MLIP: variants seen among roughly 807,000 people sequenced by gnomAD.
The protein encoded by MLIP is muscular LMNA interacting protein, also known as muscular LMNA-interacting protein.
MLIP carries 79 observed loss-of-function variants against 84.8 expected under a neutral mutation model. The ratio of observed to expected loss-of-function variants is 0.93; its 90% CI spans 0.78 to 1.12. The LOEUF (loss-of-function observed/expected upper bound fraction) is 1.12. Ranked by LOEUF, MLIP falls within the 50% of genes most tolerant of loss-of-function variation. The pLI, the probability that MLIP is intolerant of heterozygous loss-of-function variation, is 0.00. For synonymous variants in MLIP, 504 were observed against 463.0 expected, an observed-to-expected ratio of 1.09 and a Z score of -1.14; for missense variants, 1,257 against 1,160.6, an observed-to-expected ratio of 1.08 and a Z score of -1.21.
intron 5 of MLIP, among the ~76,000 whole-genome samples, chr6:54,159,461 A>G (rs991978044): frequency 4.6e-5 from 7 of 152,108 alleles, no homozygotes; most frequent in African/African-American, 1.7e-4. Flanking sequence ...AAGAATATAA[A>G]AAACTATCTG....
rs187080715 is a variant in MLIP at position 54,067,113 on chromosome 6, T to G, written c.63+48022T>G. ...ACCTTATGAAATTCCAACATCTGTG[T>G]GGAAAACAAATACACTGTAATTTAC... On this transcript the variant is annotated intron_variant, in intron 1 of 12. Transcript: ENST00000274897. 6.6e-3 allele frequency among the ~76,000 whole-genome samples: 664 copies of G among 101,058 alleles called. 240 individuals carry two copies. Among genetic ancestry groups the G allele is most frequent in the Non-Finnish European group, 0.013 (457 of 35,052 alleles). The allele number at this position is 101,058 out of a possible 152,430, so 66.3% of individuals were successfully genotyped here.
chr6:54,144,697 G>A (rs2150507937), intron 4 of MLIP, among the ~76,000 whole-genome samples: 1 of 152,304 alleles, frequency 6.6e-6, no homozygotes, highest in South Asian at 2.1e-4. Flanking sequence ...ACAGGTACCA[G>A]TTTATGGTCT....
At chr6:54,087,673 G>A (rs1767589821) in intron 1 of MLIP, among the ~76,000 whole-genome samples, 1 of 152,152 alleles carries the variant, frequency 6.6e-6, no homozygotes, top group South Asian at 2.1e-4. Context: ...GATCCAAGCT[G>A]TGGACCTGCA....
At chr6:54,039,549 T>C (rs1325831) in intron 1 of MLIP, among the ~76,000 whole-genome samples, 77,847 of 151,596 alleles carry the variant, frequency 0.51, 23,835 homozygotes, top group Non-Finnish European at 0.69. Context: ...ATTTTTGATA[T>C]GGTGCTCATC....
chr6:54,204,012 T>C (rs1778874279), intron 11 of MLIP, among the ~76,000 whole-genome samples: 1 of 152,274 alleles, frequency 6.6e-6, no homozygotes, highest in South Asian at 2.1e-4. Context: ...AATCCCTATG[T>C]AACCTTGAAA....
upstream of MLIP, among the ~76,000 whole-genome samples, chr6:54,107,096 TG>T (rs1291130915): frequency 6.6e-6 from 1 of 152,226 alleles, no homozygotes; most frequent in African/African-American, 2.4e-5. Context: ...TCATTGTCTC[TG>T]TGCCTCTTTC....
intron 1 of MLIP, among the ~76,000 whole-genome samples, chr6:54,030,435 G>A (rs1182256375): frequency 2.6e-5 from 4 of 152,112 alleles, no homozygotes; most frequent in Non-Finnish European, 4.4e-5. Context: ...ATTTGTAGGA[G>A]GTAAAGAATA....
At position 54,137,259 on chromosome 6, in the gene MLIP, C is replaced by G; in HGVS notation, c.1190C>G (p.Ser397Cys). The stretch of plus-strand genomic sequence containing the variant: ...TCCACCATCTGCAGCCAAATGTCAT[C>G]TAGTGGAAATCTTTCAAAGTCAGGG... ...SSSTICSQMS[S>C]SGNLSKSGVK... Residue 397 changes from serine to cysteine, a missense_variant, in exon 4 of 14, where the codon TCT becomes TGT. Transcript: ENST00000502396. 6.5e-7 allele frequency: 1 copy of G among 1,536,074 alleles called. No individual in the cohort carries two copies. The highest frequency in any genetic ancestry group is 8.7e-7 in the Non-Finnish European group (1 of 1,146,894).
At chr6:54,161,543 G>C (rs181589664) in intron 8 of MLIP, among the ~76,000 whole-genome samples, 2 of 151,718 alleles carry the variant, frequency 1.3e-5, no homozygotes, top group African/African-American at 4.8e-5. Context: ...TTAGTTATTA[G>C]CTACTGATTT....
intron 1 of MLIP, among the ~76,000 whole-genome samples, chr6:54,021,360 C>T (rs1026983215): frequency 2.6e-5 from 4 of 152,008 alleles, no homozygotes; most frequent in Admixed American, 1.3e-4. Context: ...AAAATTAAAG[C>T]TGTATCTCTC....
At chr6:54,199,186 G>A (rs939926168) in intron 10 of MLIP, among the ~76,000 whole-genome samples, 3 of 152,038 alleles carry the variant, frequency 2.0e-5, no homozygotes, top group Non-Finnish European at 4.4e-5. Flanking sequence ...TTACAGAGAG[G>A]TGGATATTTA....
At chr6:54,153,685 T>A (rs976548746) in intron 5 of MLIP, among the ~76,000 whole-genome samples, 1 of 151,810 alleles carries the variant, frequency 6.6e-6, no homozygotes, top group Non-Finnish European at 1.5e-5. Flanking sequence ...CTGTTTCTAC[T>A]GATAATACAA....
intron 1 of MLIP, among the ~76,000 whole-genome samples, chr6:54,062,572 C>T (rs947574764): frequency 3.9e-5 from 6 of 152,102 alleles, no homozygotes; most frequent in African/African-American, 1.4e-4. Flanking sequence ...AAGTGGGGCC[C>T]TGTCATTTTC....
intron 11 of MLIP, chr6:54,215,981 A>G (rs965798545): frequency 1.9e-5 from 4 of 208,730 alleles, no homozygotes; most frequent in Non-Finnish European, 3.3e-5. Flanking sequence ...GAATTCATTC[A>G]TGTTATTGGA....
At chr6:54,162,114 C>T (rs899965045) in intron 8 of MLIP, among the ~76,000 whole-genome samples, 3 of 151,868 alleles carry the variant, frequency 2.0e-5, no homozygotes, top group African/African-American at 7.3e-5. Context: ...AAGCACCTAC[C>T]ATAAGTCTGG....
At chr6:54,023,179 T>A (rs4999699) in intron 1 of MLIP, among the ~76,000 whole-genome samples, 82,410 of 148,782 alleles carry the variant, frequency 0.55, 24,867 homozygotes, top group Non-Finnish European at 0.69. Flanking sequence ...AAAATAATAA[T>A]AATAATAATA....
At chr6:54,234,134 A>C (rs1277633725) in intron 12 of MLIP, among the ~76,000 whole-genome samples, 2 of 151,978 alleles carry the variant, frequency 1.3e-5, no homozygotes, top group Non-Finnish European at 2.9e-5. Flanking sequence ...AAATTCTTTT[A>C]TCCTTAAAAG....
intron 9 of MLIP, among the ~76,000 whole-genome samples, chr6:54,184,261 A>G (rs1332351721): frequency 1.3e-5 from 2 of 152,220 alleles, no homozygotes; most frequent in Non-Finnish European, 2.9e-5. Flanking sequence ...AACGGTATCA[A>G]ACCTGACATT....
chr6:54,122,813 G>A (rs951654298), intron 2 of MLIP, among the ~76,000 whole-genome samples: 10 of 152,072 alleles, frequency 6.6e-5, no homozygotes, highest in Admixed American at 6.5e-4. Context: ...AGCTTCCTAA[G>A]ATGATAATAT....
Sources: gnomAD v4.1 joint callset for allele counts (sites outside exome capture counted in the v4.1 genomes callset) on GRCh38, gnomAD v4.1.1 for gene constraint, MANE v1.5 for transcripts, NCBI Gene and HGNC (gene_info 2026-07-23, HGNC 2026-07-21) for gene names.